The following TSPAN1 variants were observed in gnomAD, a reference collection of about 807,000 sequenced individuals.
TSPAN1 encodes tetraspanin-1.
A neutral mutation model predicts 26.9 loss-of-function variants in TSPAN1; 23 were observed. That is an observed-to-expected ratio of 0.85 (90% confidence interval 0.62 to 1.21). The LOEUF is 1.21. Ranked by LOEUF, TSPAN1 falls within the 50% of genes most tolerant of loss-of-function variation. The probability of loss-of-function intolerance (pLI) is 0.00; values close to 1 mark genes in which losing one functional copy is unlikely to be tolerated. For missense variants in TSPAN1, 283 were observed against 298.4 expected (o/e 0.95, Z 0.38); for synonymous variants, 115 against 114.8 (o/e 1.00, Z -0.01).
chr1:46,184,310 C>A lies in TSPAN1; in HGVS notation c.177C>A (p.Phe59Leu). The A allele has an allele frequency of 6.2e-7, 1 of 1,614,198 alleles. No homozygotes were observed. Among genetic ancestry groups the A allele is most frequent in the Non-Finnish European group, 8.5e-7 (1 of 1,180,034 alleles). Residue 59 changes from phenylalanine (F) to leucine (L), a missense_variant, in exon 4 of 9, where the codon TTC becomes TTA. Physicochemically the swap from Phe to Leu is conservative, Grantham distance 22. Coordinates refer to ENST00000372003, the MANE Select transcript of TSPAN1 (RefSeq NM_005727.4). The part of the protein sequence containing the change: ...SAMQFVNVGY[F>L]LIAAGVVVFA... Reference sequence around the variant, plus strand: ...TGCAGTTTGTCAACGTGGGCTACTTCCTCATCGCAGCCGGCGTTGTGGTCT... The same window carrying A: ...TGCAGTTTGTCAACGTGGGCTACTTACTCATCGCAGCCGGCGTTGTGGTCT...
At chr1:46,193,447 A>T in the TSPAN1 span, 1 of 1,605,936 alleles carries the variant, frequency 6.2e-7, no homozygotes, top group Non-Finnish European at 8.5e-7. Flanking sequence ...CCACCTCTGC[A>T]ATCCAAGGCC....
At chr1:46,194,377 G>T in the TSPAN1 span, 1 of 1,614,232 alleles carries the variant, frequency 6.2e-7, no homozygotes, top group Non-Finnish European at 8.5e-7. Context: ...GTTCAGCTCT[G>T]TGTCTGCCCA....
downstream of TSPAN1, chr1:46,188,738 T>C (rs1571643851): frequency 6.2e-7 from 1 of 1,607,460 alleles, no homozygotes; most frequent in East Asian, 2.2e-5. Context: ...TTTGGAAATC[T>C]GGACAAAGAG....
chr1:46,176,316 G>A, intron 1 of TSPAN1: 1 of 1,535,792 alleles, frequency 6.5e-7, no homozygotes, highest in African/African-American at 1.4e-5. Context: ...TGGCTGCACT[G>A]CTGGCAGTTC....
the TSPAN1 span, chr1:46,192,735 T>C: frequency 2.5e-6 from 4 of 1,595,064 alleles, no homozygotes; most frequent in Non-Finnish European, 3.4e-6. Context: ...TCTCCATTCA[T>C]CCACTGTACC....
downstream of TSPAN1, among the ~76,000 whole-genome samples, chr1:46,187,927 A>G (rs908718497): frequency 2.6e-5 from 4 of 152,182 alleles, no homozygotes; most frequent in Admixed American, 2.6e-4. Flanking sequence ...CTGTACTTGT[A>G]CAGAGGCAGG....
At chr1:46,184,564 C>G (rs761187168) in intron 4 of TSPAN1, 30 bp from the exon 5 acceptor site, 1 of 1,613,200 alleles carries the variant, frequency 6.2e-7, no homozygotes, top group Non-Finnish European at 8.5e-7. Flanking sequence ...CTGTCTCTCC[C>G]TAAAACCCAG....
the TSPAN1 span, chr1:46,192,363 A>T: frequency 5.0e-6 from 8 of 1,614,060 alleles, no homozygotes; most frequent in African/African-American, 1.3e-5. Context: ...GGACCTCCTG[A>T]GCACCCAGCC....
rs1221053385 is a variant in TSPAN1, at chr1:46,176,448, A to G, written c.-142+1039A>G. ...AACGCATGCCCTGGGGCCGAGGGCCACGGACAAGCCGAGATGGCCCCATGG... is the reference window on the plus strand; with the variant it reads ...AACGCATGCCCTGGGGCCGAGGGCCGCGGACAAGCCGAGATGGCCCCATGG... On this transcript the variant is annotated intron_variant, in intron 1 of 8. Transcript: ENST00000372003. The G allele has an allele frequency of 2.9e-5, 44 of 1,535,630 alleles. No homozygotes were observed. In the East Asian group the frequency reaches 1.0e-3, roughly 36 times the overall value.
chr1:46,194,851 T>A, the TSPAN1 span: 1 of 1,614,196 alleles, frequency 6.2e-7, no homozygotes, highest in Non-Finnish European at 8.5e-7. Flanking sequence ...CACCTCCTTT[T>A]CGTCCCACGA....
chr1:46,184,720 T>C (rs1218992258), intron 5 of TSPAN1, 52 bp downstream of exon 5: 2 of 1,613,366 alleles, frequency 1.2e-6, no homozygotes, highest in Non-Finnish European at 1.7e-6. Flanking sequence ...ACCCTGGGAG[T>C]GGGCTGTGGC....
the TSPAN1 span, among the ~76,000 whole-genome samples, chr1:46,195,305 C>A: frequency 6.6e-6 from 1 of 152,178 alleles, no homozygotes; most frequent in Non-Finnish European, 1.5e-5. Context: ...TACCTTCCCA[C>A]TATAGGGGCT....
At chr1:46,195,811 C>T in the TSPAN1 span, 3 of 1,589,060 alleles carry the variant, frequency 1.9e-6, no homozygotes, top group South Asian at 3.4e-5. Flanking sequence ...AATAACTGAC[C>T]TTGACAGTGC....
At chr1:46,175,762 T>C (rs1433156578) in intron 1 of TSPAN1, 1 of 404,030 alleles carries the variant, frequency 2.5e-6, no homozygotes, top group Non-Finnish European at 4.3e-6. Context: ...GTCAGCACTT[T>C]GGGGTGCCTG....
chr1:46,184,514 T>A, intron 4 of TSPAN1, 80 bp from the exon 5 acceptor site: 1 of 1,602,134 alleles, frequency 6.2e-7, no homozygotes, highest in Non-Finnish European at 8.5e-7. Context: ...TCTGTCTCAC[T>A]TTTCCGGGGG....
At chr1:46,178,008 G>A (rs937903552) in intron 1 of TSPAN1, among the ~76,000 whole-genome samples, 1 of 152,166 alleles carries the variant, frequency 6.6e-6, no homozygotes, top group Non-Finnish European at 1.5e-5. Flanking sequence ...CTTCTTATGT[G>A]CCAAGCACCA....
At chr1:46,177,496 C>A (rs1657208869) in intron 1 of TSPAN1, among the ~76,000 whole-genome samples, 1 of 152,096 alleles carries the variant, frequency 6.6e-6, no homozygotes, top group Non-Finnish European at 1.5e-5. Context: ...CACATCACAG[C>A]CTTCTTGCAC....
chr1:46,192,351 A>G, the TSPAN1 span: 2 of 1,614,120 alleles, frequency 1.2e-6, no homozygotes, highest in South Asian at 1.1e-5. Flanking sequence ...CTCCTTGTAC[A>G]AGGACCTCCT....
the TSPAN1 span, chr1:46,193,892 C>T: frequency 6.2e-7 from 1 of 1,614,224 alleles, no homozygotes. Flanking sequence ...GCAATGACAG[C>T]CACAGGCACA....
Sources: allele counts gnomAD v4.1 joint callset (sites outside exome capture counted in the v4.1 genomes callset), GRCh38; gene constraint gnomAD v4.1.1; transcripts MANE v1.5; gene names NCBI Gene and HGNC (gene_info 2026-07-23, HGNC 2026-07-21).